Variants in CACNA2D3 observed in about 807,000 individuals in gnomAD.
CACNA2D3 encodes the protein calcium voltage-gated channel auxiliary subunit alpha2delta 3, also known as voltage-dependent calcium channel subunit alpha-2/delta-3.
Under a neutral mutation model 160.6 loss-of-function variants are expected in CACNA2D3, and 60 were observed. The ratio of observed to expected loss-of-function variants is 0.37; its 90% confidence interval spans 0.30 to 0.46. CACNA2D3 has a LOEUF of 0.46. Ranked by LOEUF, CACNA2D3 falls within the 20% of genes least tolerant of loss-of-function variation. The pLI, the probability that CACNA2D3 is intolerant of heterozygous loss-of-function variation, is 1.00. For synonymous variants in CACNA2D3, 558 were observed against 492.9 expected (o/e 1.13, Z -1.75); for missense variants, 1,205 against 1,365.0 (o/e 0.88, Z 1.85).
chr3:54,991,270 T>C (rs1350196688), intron 31 of CACNA2D3, among the ~76,000 whole-genome samples: 2 of 151,378 alleles, frequency 1.3e-5, no homozygotes, highest in African/African-American at 4.9e-5. Flanking sequence ...TTGCCCAGGC[T>C]GGAGTGCAGT....
intron 4 of CACNA2D3, among the ~76,000 whole-genome samples, chr3:54,442,618 A>T (rs180902921): frequency 7.9e-5 from 12 of 152,226 alleles, no homozygotes; most frequent in Admixed American, 7.9e-4. Context: ...CGCGCCGTCA[A>T]TGGGCTGATA....
At chr3:54,840,858 G>A (rs998596992) in intron 16 of CACNA2D3, among the ~76,000 whole-genome samples, 3 of 151,646 alleles carry the variant, frequency 2.0e-5, no homozygotes, top group African/African-American at 7.3e-5. Flanking sequence ...GAGTAGCTGG[G>A]ACTACAGGTG....
chr3:54,837,084 A>G (rs1698707921), intron 14 of CACNA2D3, 75 bp from the exon 15 acceptor site: 1 of 1,287,490 alleles, frequency 7.8e-7, no homozygotes, highest in Non-Finnish European at 1.1e-6. Flanking sequence ...AAAGGACATG[A>G]TTGTCAAGGG....
intron 18 of CACNA2D3, chr3:54,878,579 T>C (rs1044511879): frequency 6.6e-6 from 1 of 152,396 alleles, no homozygotes; most frequent in Non-Finnish European, 1.5e-5. Context: ...GCCTTTTTTT[T>C]TTTTTTTCTT....
intron 2 of CACNA2D3, among the ~76,000 whole-genome samples, chr3:54,149,211 G>A (rs370085655): frequency 8.6e-5 from 13 of 151,170 alleles, no homozygotes; most frequent in East Asian, 7.9e-4. Flanking sequence ...CCTGTGGCCC[G>A]ACCCCTTTCT....
At chr3:54,689,737 C>A (rs1162840739) in intron 11 of CACNA2D3, among the ~76,000 whole-genome samples, 1 of 152,166 alleles carries the variant, frequency 6.6e-6, no homozygotes, top group African/African-American at 2.4e-5. Context: ...CACACACACA[C>A]ACCCTACCCA....
chr3:54,256,423 A>G (rs1236005955), intron 2 of CACNA2D3, among the ~76,000 whole-genome samples: 1 of 152,204 alleles, frequency 6.6e-6, no homozygotes, highest in Non-Finnish European at 1.5e-5. Context: ...CTAGGGGGCC[A>G]TGTGATGAGG....
At chr3:54,683,905 C>T (rs560642117) in intron 11 of CACNA2D3, among the ~76,000 whole-genome samples, 1 of 151,398 alleles carries the variant, frequency 6.6e-6, no homozygotes, top group African/African-American at 2.4e-5. Flanking sequence ...AACTCCAATC[C>T]TTGCCCCTTC....
chr3:54,319,033 C>T (rs993089945), intron 2 of CACNA2D3, among the ~76,000 whole-genome samples: 3 of 152,030 alleles, frequency 2.0e-5, no homozygotes, highest in Non-Finnish European at 2.9e-5. Flanking sequence ...TCTTTACATT[C>T]GTTGCTTTCC....
chr3:54,349,662 T>C (rs1474271042), intron 3 of CACNA2D3, among the ~76,000 whole-genome samples: 2 of 152,210 alleles, frequency 1.3e-5, no homozygotes, highest in Non-Finnish European at 2.9e-5. Context: ...TAAGCTTCAT[T>C]GTACACAAAG....
At chr3:54,134,274 T>C (rs2107257721) in intron 2 of CACNA2D3, among the ~76,000 whole-genome samples, 1 of 152,172 alleles carries the variant, frequency 6.6e-6, no homozygotes, top group South Asian at 2.1e-4. Flanking sequence ...TTATCTCCTT[T>C]GGTGGTGAGC....
At chr3:55,005,678 A>G (rs1703079337) in intron 32 of CACNA2D3, among the ~76,000 whole-genome samples, 2 of 152,196 alleles carry the variant, frequency 1.3e-5, no homozygotes, top group Non-Finnish European at 2.9e-5. Flanking sequence ...GATGGCCAGA[A>G]ATTAACTGTT....
chr3:55,033,580 G>C (rs1703723494), intron 35 of CACNA2D3, among the ~76,000 whole-genome samples: 1 of 56,862 alleles, frequency 1.8e-5, no homozygotes, highest in South Asian at 7.6e-4. Flanking sequence ...ATTTATGTGT[G>C]TGTGTATATA....
At chr3:54,449,993 A>T (rs1164160419) in intron 4 of CACNA2D3, among the ~76,000 whole-genome samples, 1 of 152,190 alleles carries the variant, frequency 6.6e-6, no homozygotes, top group African/African-American at 2.4e-5. Context: ...TGGAAACACC[A>T]GTTGTTTTTG....
At chr3:54,612,861 G>T (rs1575381650) in intron 9 of CACNA2D3, among the ~76,000 whole-genome samples, 1 of 152,142 alleles carries the variant, frequency 6.6e-6, no homozygotes, top group African/African-American at 2.4e-5. Context: ...GACAAGACTG[G>T]ACCGCCTTAT....
chr3:54,554,329 CTTCA>C (rs1702205840), intron 5 of CACNA2D3, among the ~76,000 whole-genome samples: 1 of 152,210 alleles, frequency 6.6e-6, no homozygotes, highest in Non-Finnish European at 1.5e-5. Context: ...GAAATGTCAA[CTTCA>C]TTGTCTGGCA....
At chr3:55,030,305 A>G (rs1703661936) in intron 35 of CACNA2D3, among the ~76,000 whole-genome samples, 1 of 152,286 alleles carries the variant, frequency 6.6e-6, no homozygotes, top group South Asian at 2.1e-4. Context: ...TTCCAGCATT[A>G]AAGGTTTAAA....
chr3:54,802,829 T>C (rs1703024930), intron 13 of CACNA2D3, among the ~76,000 whole-genome samples: 1 of 152,112 alleles, frequency 6.6e-6, no homozygotes, highest in Non-Finnish European at 1.5e-5. Context: ...CAGACTGACA[T>C]CTCACACGGC....
chr3:54,350,966 C>CGGT (rs1559457706), intron 3 of CACNA2D3, among the ~76,000 whole-genome samples: 7 of 63,298 alleles, frequency 1.1e-4, no homozygotes, highest in Admixed American at 2.0e-4. Flanking sequence ...GATCTTGAGT[C>CGGT]TGTTTTTTTT....
Sources: allele counts gnomAD v4.1 joint callset (sites outside exome capture counted in the v4.1 genomes callset), GRCh38; gene constraint gnomAD v4.1.1; transcripts MANE v1.5; gene names NCBI Gene and HGNC (gene_info 2026-07-23, HGNC 2026-07-21).